PKIB: variants seen among roughly 807,000 people sequenced by gnomAD.
The protein encoded by PKIB is cAMP-dependent protein kinase inhibitor beta.
Under a neutral mutation model 4.5 loss-of-function variants are expected in PKIB, and 2 were observed. The observed-to-expected ratio is 0.44, with a 90% CI of 0.18 to 1.39. The LOEUF is 1.39. Ranked by LOEUF, PKIB falls within the 40% of genes most tolerant of loss-of-function variation. PKIB has a pLI of 0.27. For missense variants in PKIB, 94 were observed against 92.6 expected (o/e 1.02, Z -0.06); for synonymous variants, 38 against 36.0 (o/e 1.06, Z -0.20).
chr6:122,520,532 A>G (rs1021795188), intron 2 of PKIB, among the ~76,000 whole-genome samples: 5 of 152,142 alleles, frequency 3.3e-5, no homozygotes, highest in Non-Finnish European at 7.4e-5. Flanking sequence ...CACACATCTA[A>G]GTTCACATGT....
intron 2 of PKIB, among the ~76,000 whole-genome samples, chr6:122,522,818 A>G (rs575739934): frequency 2.6e-5 from 4 of 152,210 alleles, no homozygotes; most frequent in South Asian, 2.1e-4. Flanking sequence ...TTCTGCATTG[A>G]TCTCGCTGGG....
intron 3 of PKIB, among the ~76,000 whole-genome samples, chr6:122,691,482 C>T (rs967861458): frequency 3.9e-5 from 6 of 152,050 alleles, no homozygotes; most frequent in Non-Finnish European, 7.4e-5. Context: ...GACTCTGATG[C>T]CTTCTTCAGT....
At chr6:122,549,063 A>C (rs186577305) in intron 2 of PKIB, among the ~76,000 whole-genome samples, 1 of 152,274 alleles carries the variant, frequency 6.6e-6, no homozygotes, top group African/African-American at 2.4e-5. Flanking sequence ...AGCCAAAAAG[A>C]TAATCTAGTT....
chr6:122,689,862 C>T (rs1280109101), intron 3 of PKIB, among the ~76,000 whole-genome samples: 1 of 152,116 alleles, frequency 6.6e-6, no homozygotes, highest in Non-Finnish European at 1.5e-5. Flanking sequence ...GTTGAAGTCT[C>T]CAGCTATTAT....
At chr6:122,508,648 T>C (rs1199047224) in intron 2 of PKIB, among the ~76,000 whole-genome samples, 1 of 152,202 alleles carries the variant, frequency 6.6e-6, no homozygotes, top group Non-Finnish European at 1.5e-5. Context: ...GTTGAACAAT[T>C]GATAAAGCTG....
intron 2 of PKIB, among the ~76,000 whole-genome samples, chr6:122,653,546 C>CG (rs55916905): frequency 0.99 from 149,341 of 151,364 alleles, 73,692 homozygotes; most frequent in Middle Eastern, 1. Flanking sequence ...CCTGGTGGGG[C>CG]GGGATGAGGT....
intron 2 of PKIB, among the ~76,000 whole-genome samples, chr6:122,668,039 G>A (rs990436695): frequency 6.6e-6 from 1 of 152,126 alleles, no homozygotes; most frequent in Admixed American, 6.5e-5. Flanking sequence ...AATAAGAAAA[G>A]AAGGTTTCTT....
At chr6:122,574,698 G>A (rs540473722) in intron 2 of PKIB, among the ~76,000 whole-genome samples, 1 of 152,212 alleles carries the variant, frequency 6.6e-6, no homozygotes, top group East Asian at 1.9e-4. Context: ...CAAGCCACAT[G>A]TGGAAGAATG....
chr6:122,564,156 C>G (rs1358772696), intron 2 of PKIB, among the ~76,000 whole-genome samples: 3 of 152,158 alleles, frequency 2.0e-5, no homozygotes, highest in Non-Finnish European at 4.4e-5. Context: ...TTCCCTTTCC[C>G]ACTTCTGCAG....
chr6:122,489,184 A>AG (rs961490727), intron 2 of PKIB, among the ~76,000 whole-genome samples: 1 of 151,716 alleles, frequency 6.6e-6, no homozygotes, highest in East Asian at 1.9e-4. Context: ...TTTTTAAAGA[A>AG]GGGGGAAAAA....
intron 2 of PKIB, among the ~76,000 whole-genome samples, chr6:122,569,153 A>T: frequency 6.6e-6 from 1 of 152,130 alleles, no homozygotes; most frequent in Non-Finnish European, 1.5e-5. Context: ...GACCCGCCTA[A>T]CCCTATCCCC....
intron 3 of PKIB, among the ~76,000 whole-genome samples, chr6:122,684,012 T>C (rs1384215523): frequency 6.6e-6 from 1 of 152,226 alleles, no homozygotes; most frequent in Non-Finnish European, 1.5e-5. Flanking sequence ...GGTATATTTA[T>C]ACCTTCAAAA....
intron 2 of PKIB, among the ~76,000 whole-genome samples, chr6:122,650,646 C>A (rs1776516089): frequency 6.6e-6 from 1 of 152,118 alleles, no homozygotes; most frequent in African/African-American, 2.4e-5. Flanking sequence ...GTATCCCACC[C>A]AGTTCAGTGG....
intron 2 of PKIB, among the ~76,000 whole-genome samples, chr6:122,496,159 C>T (rs1027099728): frequency 1.3e-5 from 2 of 152,172 alleles, no homozygotes; most frequent in African/African-American, 4.8e-5. Context: ...CTACAGTGCT[C>T]TTACCTGCAA....
chr6:122,481,714 AAAC>A (rs1775615351), intron 2 of PKIB: 1 of 152,164 alleles, frequency 6.6e-6, no homozygotes. Flanking sequence ...TGTGTAAAGT[AAAC>A]AAGATAAAAT....
intron 3 of PKIB, among the ~76,000 whole-genome samples, chr6:122,708,542 G>A (rs886308877): frequency 4.6e-5 from 7 of 152,296 alleles, no homozygotes; most frequent in African/African-American, 1.4e-4. Context: ...TTGCAGAAAC[G>A]TAGACAGGTT....
intron 2 of PKIB, among the ~76,000 whole-genome samples, chr6:122,562,194 G>A (rs1380000965): frequency 1.3e-5 from 2 of 151,790 alleles, no homozygotes; most frequent in Non-Finnish European, 2.9e-5. Context: ...GAAAACGACT[G>A]TATCTTTCCT....
exon 1 of PKIB, chr6:122,471,959 C>G (rs947534126): frequency 1.8e-6 from 2 of 1,085,294 alleles, no homozygotes; most frequent in Admixed American, 3.2e-5. Context: ...TGTCTTCTTT[C>G]CTGGAGAATT....
chr6:122,517,284 C>G (rs1372409508), intron 2 of PKIB, among the ~76,000 whole-genome samples: 2 of 152,126 alleles, frequency 1.3e-5, no homozygotes, highest in African/African-American at 2.4e-5. Flanking sequence ...TATTCAACCC[C>G]ACAGGTAACT....
Sources: gnomAD v4.1 joint callset for allele counts (sites outside exome capture counted in the v4.1 genomes callset) on GRCh38, gnomAD v4.1.1 for gene constraint, MANE v1.5 for transcripts, NCBI Gene and HGNC (gene_info 2026-07-23, HGNC 2026-07-21) for gene names.